ZSCAN5A: variants seen among roughly 807,000 people sequenced by gnomAD.
The protein encoded by ZSCAN5A is zinc finger and SCAN domain containing 5A.
ZSCAN5A carries 12 observed loss-of-function variants against 23.7 expected under a neutral mutation model. The ratio of observed to expected loss-of-function variants is 0.51; its 90% confidence interval spans 0.32 to 0.82. The LOEUF (loss-of-function observed/expected upper bound fraction) is 0.82. ZSCAN5A is among the 40% of genes least tolerant of loss of function. The pLI is 0.03. For missense variants in ZSCAN5A, 597 were observed against 617.9 expected, an observed-to-expected ratio of 0.97 and a Z score of 0.36; for synonymous variants, 257 against 239.9, an observed-to-expected ratio of 1.07 and a Z score of -0.66.
chr19:56,364,374 A>G (rs1250664115), intron 1 of ZSCAN5A, among the ~76,000 whole-genome samples: 1 of 152,210 alleles, frequency 6.6e-6, no homozygotes, highest in African/African-American at 2.4e-5. Context: ...CAGACTGTCT[A>G]TTGATATTAC....
In ZSCAN5A at chr19:56,223,712, C is replaced by T. The variant is rs772630163; in HGVS notation, c.507G>A (p.Val169=). Residue 169 remains valine, a synonymous_variant, in exon 4 of 6, where the codon GTG becomes GTA. Transcript: ENST00000683990. The part of the protein sequence containing the change: ...KDVSSQRASS[V]NQMRPGEGQA... ...GGCCTTCCCCTGGACGCATCTGGTT[C>T]ACCGAGGAGGCCCGTTGGCTGGACA... 3.1e-6 allele frequency: 5 copies of T among 1,613,938 alleles called. No homozygotes were observed. Among genetic ancestry groups the T allele is most frequent in the Non-Finnish European group, 4.2e-6 (5 of 1,180,030 alleles).
At chr19:56,304,816 G>A (rs2040577297) in intron 2 of ZSCAN5A, 1 of 984,910 alleles carries the variant, frequency 1.0e-6, no homozygotes. Flanking sequence ...ACTGTAACTT[G>A]GAACTGGACA....
At chr19:56,305,003 A>T (rs1016250776) in intron 2 of ZSCAN5A, among the ~76,000 whole-genome samples, 1 of 152,170 alleles carries the variant, frequency 6.6e-6, no homozygotes, top group African/African-American at 2.4e-5. Context: ...CTTGCAAGCC[A>T]CTGCCTGACA....
chr19:56,338,072 A>G (rs570778389), intron 2 of ZSCAN5A, among the ~76,000 whole-genome samples: 2 of 152,266 alleles, frequency 1.3e-5, no homozygotes, highest in East Asian at 3.9e-4. Flanking sequence ...AATTGTGACA[A>G]CTCAATACCT....
chr19:56,313,684 T>C (rs191150204), intron 1 of ZSCAN5A, among the ~76,000 whole-genome samples: 79 of 152,356 alleles, frequency 5.2e-4, no homozygotes, highest in Non-Finnish European at 9.8e-4. Context: ...ACCAGATGAT[T>C]ATATGTCCAG....
chr19:56,332,811 T>A (rs1393782109), intron 2 of ZSCAN5A, among the ~76,000 whole-genome samples: 1 of 152,238 alleles, frequency 6.6e-6, no homozygotes, highest in African/African-American at 2.4e-5. Flanking sequence ...TTTGTTTCCA[T>A]GTCTAGAATT....
chr19:56,247,813 T>C (rs1600088976), intron 2 of ZSCAN5A, among the ~76,000 whole-genome samples: 1 of 152,068 alleles, frequency 6.6e-6, no homozygotes, highest in Non-Finnish European at 1.5e-5. Flanking sequence ...TGCCTCAGCC[T>C]CCCGAGTAGC....
chr19:56,351,476 A>G lies in ZSCAN5A; in HGVS notation c.-358+11759T>C, dbSNP rs2041667009. On this transcript the variant is annotated intron_variant, in intron 2 of 6. Coordinates refer to the ZSCAN5A transcript ENST00000587340. The surrounding 1 kb of genome is among the most constrained non-coding windows in gnomAD (Gnocchi z 4.8). The stretch of plus-strand genomic sequence containing the variant: ...TGGTCAAGCCAATCCTTTGGGCCCT[A>G]TGCAAACCAGATACTGCCTCCTCCA... Among the ~76,000 whole-genome samples, 1 of 152,152 alleles carries G rather than the reference A, an allele frequency of 6.6e-6. No individual in the cohort carries two copies. Among genetic ancestry groups the G allele is most frequent in the Non-Finnish European group, 1.5e-5 (1 of 68,026 alleles).
Position 56,352,656 on chromosome 19 carries a change from A to C in ZSCAN5A, c.-358+10579T>G, listed in dbSNP as rs1036131412. 3.3e-5 allele frequency among the ~76,000 whole-genome samples: 5 copies of C among 152,328 alleles called. No individual in the cohort carries two copies. The highest frequency in any genetic ancestry group is 3.3e-4 in the Admixed American group (5 of 15,304). On this transcript the variant is annotated intron_variant, in intron 2 of 6. Transcript: ENST00000587340. The surrounding 1 kb of genome is among the most constrained non-coding windows in gnomAD (Gnocchi z 4.2). ...GGCGGTCAGTGGGTGGGAAATTACA[A>C]AGAACAACTTGATTAGGTATCAGGA...
Position 56,338,862 on chromosome 19 carries a change from T to G in ZSCAN5A, c.-357-22594A>C, listed in dbSNP as rs541181376. Among the ~76,000 whole-genome samples, 25 of 152,326 alleles carry G rather than the reference T, an allele frequency of 1.6e-4. No individual in the cohort carries two copies. The South Asian group carries it at 4.8e-3, about 29-fold the overall frequency. ...CCATGACCACAGTGAAAGTTTTGGC[T>G]GAAGCAGAAGACACAGCCACTGTGA... On this transcript the variant is annotated intron_variant, in intron 2 of 6. Transcript: ENST00000587340.
At chr19:56,274,311 AG>A (rs1211627624) in intron 2 of ZSCAN5A, among the ~76,000 whole-genome samples, 1 of 152,058 alleles carries the variant, frequency 6.6e-6, no homozygotes, top group Non-Finnish European at 1.5e-5. Flanking sequence ...AAAATTATCC[AG>A]GCATGGTAGT....
At position 56,251,229 on chromosome 19, in the gene ZSCAN5A, C is replaced by G. The variant is rs73621049; in HGVS notation, c.-127-26056G>C. 2.9e-3 allele frequency among the ~76,000 whole-genome samples: 440 copies of G among 151,414 alleles called. 2 individuals carry two copies. Among genetic ancestry groups the G allele is most frequent in the African/African-American group, 0.01 (426 of 41,298 alleles). Reference sequence around the variant, plus strand: ...CCCTCCGTACTTCAGGAAGACCCTTCTGTATTCAGTGACTGACTGGGGGTG... The same window carrying G: ...CCCTCCGTACTTCAGGAAGACCCTTGTGTATTCAGTGACTGACTGGGGGTG... On this transcript the variant is annotated intron_variant, in intron 2 of 5. Coordinates refer to ENST00000683990, the MANE Select transcript of ZSCAN5A (RefSeq NM_001322064.3).
At chr19:56,289,275 T>G (rs919250074) in intron 2 of ZSCAN5A, among the ~76,000 whole-genome samples, 5 of 152,192 alleles carry the variant, frequency 3.3e-5, no homozygotes, top group Non-Finnish European at 4.4e-5. Flanking sequence ...AAGTGTAAGC[T>G]ATGTCTTTTT....
chr19:56,267,954 G>A (rs749696870), intron 2 of ZSCAN5A, among the ~76,000 whole-genome samples: 1 of 152,200 alleles, frequency 6.6e-6, no homozygotes, highest in Non-Finnish European at 1.5e-5. Context: ...GCCAGGAGGT[G>A]GAGGGAGCTG....
intron 2 of ZSCAN5A, among the ~76,000 whole-genome samples, chr19:56,355,209 A>G (rs577635125): frequency 6.7e-6 from 1 of 148,834 alleles, no homozygotes; most frequent in South Asian, 2.2e-4. Context: ...AGCATTGAGT[A>G]ACCCTGGGCA....
intron 2 of ZSCAN5A, among the ~76,000 whole-genome samples, chr19:56,337,752 A>G (rs2041554180): frequency 6.6e-6 from 1 of 152,216 alleles, no homozygotes; most frequent in African/African-American, 2.4e-5. Flanking sequence ...ACTTTCATTT[A>G]TAACTTGCTT....
At chr19:56,357,506 G>A (rs1048943849) in intron 2 of ZSCAN5A, among the ~76,000 whole-genome samples, 1 of 147,416 alleles carries the variant, frequency 6.8e-6, no homozygotes, top group Non-Finnish European at 1.5e-5. Flanking sequence ...CTCTTCCCCA[G>A]CAACTATACC....
At chr19:56,361,029 T>C (rs1390289136) in intron 2 of ZSCAN5A, among the ~76,000 whole-genome samples, 2 of 151,870 alleles carry the variant, frequency 1.3e-5, no homozygotes, top group East Asian at 2.0e-4. Context: ...GCAAAGGACA[T>C]GAACAGACAC....
At chr19:56,284,163 C>G (rs567131532) in intron 2 of ZSCAN5A, 17 of 985,456 alleles carry the variant, frequency 1.7e-5, no homozygotes, top group Middle Eastern at 5.2e-4. Flanking sequence ...TAACCTTGGC[C>G]ACCATGCTGA....
Sources: gnomAD v4.1 joint callset for allele counts (sites outside exome capture counted in the v4.1 genomes callset) on GRCh38, gnomAD v4.1.1 for gene constraint, Gnocchi (gnomAD v3.1) non-coding constraint, MANE v1.5 for transcripts, NCBI Gene and HGNC (gene_info 2026-07-23, HGNC 2026-07-21) for gene names.